The following PCGF5 variants were observed in gnomAD, a reference collection of about 807,000 sequenced individuals.
PCGF5 encodes polycomb group ring finger 5.
Under a neutral mutation model 44.3 loss-of-function variants are expected in PCGF5, and 9 were observed. The ratio of observed to expected loss-of-function variants is 0.20; its 90% CI spans 0.12 to 0.35. PCGF5 has a LOEUF of 0.35. Among genes scored for constraint, PCGF5 ranks in the 10% least tolerant of loss-of-function variants. PCGF5 has a pLI of 1.00. For missense variants in PCGF5, 146 were observed against 305.3 expected (o/e 0.48, Z 3.89); for synonymous variants, 95 against 102.5 (o/e 0.93, Z 0.44).
intron 6 of PCGF5, among the ~76,000 whole-genome samples, chr10:91,259,472 T>G (rs995018177): frequency 3.9e-5 from 6 of 152,120 alleles, no homozygotes; most frequent in African/African-American, 1.4e-4. Context: ...TGGAAAAAAC[T>G]AAAGTTCATA....
intron 2 of PCGF5, among the ~76,000 whole-genome samples, chr10:91,231,517 ACT>A (rs1484650092): frequency 1.3e-5 from 2 of 152,052 alleles, no homozygotes; most frequent in South Asian, 2.1e-4. Context: ...AAGATTAAAG[ACT>A]CTAAAGCAGG....
intron 1 of PCGF5, among the ~76,000 whole-genome samples, chr10:91,195,074 G>A (rs141048069): frequency 6.6e-6 from 1 of 152,158 alleles, no homozygotes; most frequent in African/African-American, 2.4e-5. Context: ...GCAGCTGAGA[G>A]TGAGGATGGG....
At chr10:91,198,676 A>G (rs968896442) in intron 1 of PCGF5, among the ~76,000 whole-genome samples, 2 of 152,200 alleles carry the variant, frequency 1.3e-5, no homozygotes, top group Non-Finnish European at 2.9e-5. Flanking sequence ...TGGCAGCACC[A>G]TGGGAATCTC....
At chr10:91,165,761 A>G (rs1372276429) in intron 1 of PCGF5, among the ~76,000 whole-genome samples, 4 of 152,206 alleles carry the variant, frequency 2.6e-5, no homozygotes, top group African/African-American at 7.2e-5. Context: ...AATTACAGCT[A>G]TAAGTCAGTG....
chr10:91,214,901 A>G (rs1192613650), intron 1 of PCGF5, among the ~76,000 whole-genome samples: 3 of 152,272 alleles, frequency 2.0e-5, no homozygotes, highest in Non-Finnish European at 4.4e-5. Context: ...ATTTATGCTT[A>G]TAAGTTCAGG....
chr10:91,175,887 A>G (rs1463589892), intron 1 of PCGF5, among the ~76,000 whole-genome samples: 7 of 152,142 alleles, frequency 4.6e-5, no homozygotes, highest in Non-Finnish European at 1.0e-4. Flanking sequence ...GTGTCTTTTA[A>G]TTGGAGCATT....
intron 1 of PCGF5, among the ~76,000 whole-genome samples, chr10:91,194,826 G>A (rs1008066707): frequency 6.6e-6 from 1 of 152,146 alleles, no homozygotes; most frequent in Non-Finnish European, 1.5e-5. Flanking sequence ...TAGTATTAAG[G>A]ATATGTTTGT....
chr10:91,219,377 G>C (rs114845551), upstream of PCGF5, among the ~76,000 whole-genome samples: 16 of 152,274 alleles, frequency 1.1e-4, no homozygotes, highest in Admixed American at 5.9e-4. Context: ...ACACAAAATA[G>C]GAACATACCA....
intron 1 of PCGF5, among the ~76,000 whole-genome samples, chr10:91,195,463 TATGCATGCATATATATATATATAG>T (rs1564630583): frequency 3.4e-4 from 39 of 115,194 alleles, no homozygotes; most frequent in African/African-American, 1.1e-3. Flanking sequence ...CATATATATA[TATGCATGCATATATATATATATAG>T]AGAGAGAGAG....
chr10:91,176,955 G>A (rs1843717922), intron 1 of PCGF5, among the ~76,000 whole-genome samples: 1 of 152,226 alleles, frequency 6.6e-6, no homozygotes, highest in African/African-American at 2.4e-5. Context: ...ATGAGGAGCT[G>A]TGTTCCTTTG....
rs534316455 is a variant in PCGF5, at chr10:91,223,117, G to A, written c.112+134G>A. The A allele has an allele frequency of 2.5e-4, 164 of 645,852 alleles. 1 individual carries two copies. In the South Asian group the frequency reaches 3.2e-3, roughly 13 times the overall value. The allele number at this position is 645,852 out of a possible 1,614,324, so 40.0% of individuals were successfully genotyped here. On this transcript the variant is annotated intron_variant, in intron 2 of 9. Transcript: ENST00000336126. ...GTATTCTAATAATTATTTTAACTTTGAATTTTCAGAATATTTGTCATTGGG... is the reference window on the plus strand; with the variant it reads ...GTATTCTAATAATTATTTTAACTTTAAATTTTCAGAATATTTGTCATTGGG...
At position 91,242,456 on chromosome 10, in the gene PCGF5, T is replaced by C. The variant is rs570928272; in HGVS notation, c.209+1876T>C. On this transcript the variant is annotated intron_variant, in intron 3 of 9. Coordinates refer to ENST00000336126, the MANE Select transcript of PCGF5 (RefSeq NM_032373.5). ...AATAAAAACAGACAGTTAATAATTA[T>C]TACCCTCTCTGTTCTTAAAGGGCCA... 7.9e-5 allele frequency among the ~76,000 whole-genome samples: 12 copies of C among 152,274 alleles called. No individual in the cohort carries two copies. In the East Asian group the frequency reaches 2.1e-3, roughly 27 times the overall value.
chr10:91,218,320 CT>C (rs970178102), upstream of PCGF5, among the ~76,000 whole-genome samples: 3 of 151,416 alleles, frequency 2.0e-5, no homozygotes, highest in Non-Finnish European at 2.9e-5. Flanking sequence ...TTTATCCTGC[CT>C]TTTTTTTTCC....
At chr10:91,274,090 C>T (rs947006005) in intron 9 of PCGF5, among the ~76,000 whole-genome samples, 1 of 151,604 alleles carries the variant, frequency 6.6e-6, no homozygotes, top group Non-Finnish European at 1.5e-5. Context: ...TTTCTCTTCT[C>T]ATCTCCTTAT....
intron 1 of PCGF5, among the ~76,000 whole-genome samples, chr10:91,166,129 G>C (rs1022560263): frequency 6.6e-6 from 1 of 152,172 alleles, no homozygotes; most frequent in African/African-American, 2.4e-5. Context: ...ACTTGCCTAA[G>C]GTACAAGGCA....
At chr10:91,229,981 C>CT (rs552015637) in intron 2 of PCGF5, among the ~76,000 whole-genome samples, 2 of 151,930 alleles carry the variant, frequency 1.3e-5, no homozygotes, top group Non-Finnish European at 2.9e-5. Flanking sequence ...ATTTTGATGA[C>CT]TTTTTTTAAA....
Position 91,238,085 on chromosome 10 carries a change from T to C in PCGF5, c.113-2399T>C, listed in dbSNP as rs115604504. 3.9e-3 allele frequency among the ~76,000 whole-genome samples: 591 copies of C among 152,330 alleles called. 4 individuals carry two copies. Among genetic ancestry groups the C allele is most frequent in the African/African-American group, 0.014 (565 of 41,570 alleles). On this transcript the variant is annotated intron_variant, in intron 2 of 9. Coordinates refer to ENST00000336126, the MANE Select transcript of PCGF5 (RefSeq NM_032373.5). Reference sequence around the variant, plus strand: ...TTTTCATTTCAAAATGTAATTAATATAAAATTATTGAGATTACCTGTTCAG... The same window carrying C: ...TTTTCATTTCAAAATGTAATTAATACAAAATTATTGAGATTACCTGTTCAG...
intron 2 of PCGF5, chr10:91,227,428 A>G: frequency 1.6e-6 from 2 of 1,289,528 alleles, no homozygotes; most frequent in Non-Finnish European, 2.0e-6. Flanking sequence ...GCCAGCACTC[A>G]GTTATCCAAG....
At chr10:91,222,235 T>C (rs1844703080) in intron 1 of PCGF5, among the ~76,000 whole-genome samples, 1 of 152,130 alleles carries the variant, frequency 6.6e-6, no homozygotes, top group Admixed American at 6.5e-5. Context: ...GATATACAAG[T>C]AGAGCAGCCG....
Sources: allele counts gnomAD v4.1 joint callset (sites outside exome capture counted in the v4.1 genomes callset), GRCh38; gene constraint gnomAD v4.1.1; transcripts MANE v1.5; gene names NCBI Gene and HGNC (gene_info 2026-07-23, HGNC 2026-07-21).